Variants in CCSER1 observed in about 807,000 individuals in gnomAD.
CCSER1 encodes the protein coiled-coil serine rich protein 1.
CCSER1 carries 41 observed loss-of-function variants against 82.0 expected under a neutral mutation model. That is an observed-to-expected ratio of 0.50 (90% CI 0.39 to 0.65). The LOEUF is 0.65. CCSER1 is among the 30% of genes least tolerant of loss of function. The pLI, the probability that CCSER1 is intolerant of heterozygous loss-of-function variation, is 0.00. For missense variants in CCSER1, 1,119 were observed against 1,064.2 expected (o/e 1.05, Z -0.72); for synonymous variants, 414 against 383.9 (o/e 1.08, Z -0.92).
chr4:90,602,628 C>T (rs1022847447), intron 5 of CCSER1, among the ~76,000 whole-genome samples: 4 of 152,114 alleles, frequency 2.6e-5, no homozygotes. Context: ...ATGGATTTGA[C>T]CAATAAAGAA....
intron 5 of CCSER1, among the ~76,000 whole-genome samples, chr4:90,496,149 A>G (rs1768963897): frequency 1.3e-5 from 2 of 152,186 alleles, no homozygotes; most frequent in African/African-American, 4.8e-5. Flanking sequence ...CAAAACCACG[A>G]TGGATGCCAC....
rs77522371 is a variant in CCSER1, at chr4:90,525,119, TA to T, written c.1724+56774del. ...ACAAGATAGAATAAATCATTTTTTT[TA>T]AAAAAAAAGCAAATCTCATCAGAGG... On this transcript the variant is annotated intron_variant, in intron 5 of 10. Coordinates refer to ENST00000509176, the MANE Select transcript of CCSER1 (RefSeq NM_001145065.2). 5.5e-4 allele frequency among the ~76,000 whole-genome samples: 83 copies of T among 150,934 alleles called. No homozygotes were observed. In the East Asian group the frequency reaches 9.9e-3, roughly 18 times the overall value.
chr4:91,588,879 T>C (rs1453829563), intron 10 of CCSER1, among the ~76,000 whole-genome samples: 3 of 151,812 alleles, frequency 2.0e-5, no homozygotes, highest in Non-Finnish European at 4.4e-5. Flanking sequence ...TTTCCATGTA[T>C]AAAAATGCCT....
intron 1 of CCSER1, among the ~76,000 whole-genome samples, chr4:90,161,178 C>G (rs1369217097): frequency 6.6e-6 from 1 of 152,074 alleles, no homozygotes; most frequent in Non-Finnish European, 1.5e-5. Context: ...TTTGCTCATC[C>G]TATGTGCTTA....
chr4:90,987,718 C>A (rs1408081313), intron 9 of CCSER1, among the ~76,000 whole-genome samples: 1 of 151,616 alleles, frequency 6.6e-6, no homozygotes, highest in Non-Finnish European at 1.5e-5. Context: ...ATGTGTTGTA[C>A]ACAGGTCATA....
chr4:90,316,893 AG>A (rs1348005084), intron 3 of CCSER1, among the ~76,000 whole-genome samples: 2 of 152,240 alleles, frequency 1.3e-5, no homozygotes, highest in Admixed American at 6.5e-5. Context: ...GGTTTATTAA[AG>A]GAATCCAAAG....
At chr4:90,276,552 G>A (rs1023675183) in intron 1 of CCSER1, among the ~76,000 whole-genome samples, 5 of 151,750 alleles carry the variant, frequency 3.3e-5, no homozygotes, top group Admixed American at 6.6e-5. Context: ...CACCATGTTG[G>A]TCAGGCTGGT....
chr4:91,222,537 AAATAAG>A (rs1737839038), intron 10 of CCSER1, among the ~76,000 whole-genome samples: 2 of 152,158 alleles, frequency 1.3e-5, no homozygotes, highest in African/African-American at 4.8e-5. Flanking sequence ...TAACGATCTC[AAATAAG>A]CTTCCCATTA....
chr4:90,772,759 T>C (rs1752366902), intron 7 of CCSER1, among the ~76,000 whole-genome samples: 1 of 152,216 alleles, frequency 6.6e-6, no homozygotes, highest in Non-Finnish European at 1.5e-5. Flanking sequence ...AGGCTTTTCT[T>C]ATTGTGTCAA....
At chr4:90,838,905 A>T in intron 8 of CCSER1, 4 of 1,613,308 alleles carry the variant, frequency 2.5e-6, no homozygotes, top group Non-Finnish European at 3.4e-6. Flanking sequence ...ACGCCTCATT[A>T]CGATTCGCCT....
intron 6 of CCSER1, among the ~76,000 whole-genome samples, chr4:90,640,436 ATAGAG>A: frequency 6.6e-6 from 1 of 152,200 alleles, no homozygotes; most frequent in Non-Finnish European, 1.5e-5. Context: ...AATTCATTTT[ATAGAG>A]TATTCTCCAT....
At chr4:90,988,682 A>G (rs1029548678) in intron 9 of CCSER1, among the ~76,000 whole-genome samples, 2 of 151,838 alleles carry the variant, frequency 1.3e-5, no homozygotes, top group African/African-American at 4.8e-5. Flanking sequence ...ACTTATAATG[A>G]CATAATAGAC....
At chr4:90,466,500 T>G (rs1002482486) in intron 4 of CCSER1, among the ~76,000 whole-genome samples, 10 of 152,188 alleles carry the variant, frequency 6.6e-5, no homozygotes, top group African/African-American at 2.4e-4. Context: ...AGACATTAGA[T>G]AAGAGCCCAG....
chr4:90,663,841 A>G (rs6842926), intron 6 of CCSER1: 179,464 of 347,920 alleles, frequency 0.52, 47,373 homozygotes, highest in Middle Eastern at 0.63. Context: ...ATTGTTACTT[A>G]TAGGTTCACT....
chr4:90,129,699 TTTGTA>T lies in CCSER1; in HGVS notation c.-42+1873_-42+1877del, dbSNP rs569974100. Among the ~76,000 whole-genome samples the T allele has an allele frequency of 9.8e-5, 15 of 152,346 alleles. No homozygotes were observed. The South Asian group carries it at 2.7e-3, about 27-fold the overall frequency. On this transcript the variant is annotated intron_variant, in intron 1 of 10. Coordinates refer to ENST00000509176, the MANE Select transcript of CCSER1 (RefSeq NM_001145065.2). ...TTTGATCAAAACAAACCAACTGTTG[TTTGTA>T]TTGTTTTATTGCTTTCCTAAACAGT...
At chr4:91,501,182 CTTG>C (rs964425900) in intron 10 of CCSER1, among the ~76,000 whole-genome samples, 15 of 151,682 alleles carry the variant, frequency 9.9e-5, no homozygotes, top group African/African-American at 3.6e-4. Context: ...ATAGTTTTTG[CTTG>C]TTTTCTTTTG....
At chr4:90,537,480 T>A (rs151233186) in intron 5 of CCSER1, among the ~76,000 whole-genome samples, 76 of 152,304 alleles carry the variant, frequency 5.0e-4, no homozygotes, top group African/African-American at 1.7e-3. Flanking sequence ...CAATCAGCTC[T>A]TTTCCATTTG....
intron 5 of CCSER1, among the ~76,000 whole-genome samples, chr4:90,595,271 C>G (rs17017247): frequency 6.6e-6 from 1 of 151,712 alleles, no homozygotes. Flanking sequence ...AAAGAAAATA[C>G]TGTTGCCTCA....
At chr4:90,843,478 G>C (rs1047122388) in intron 8 of CCSER1, among the ~76,000 whole-genome samples, 2 of 152,056 alleles carry the variant, frequency 1.3e-5, no homozygotes, top group African/African-American at 4.8e-5. Context: ...TGCTCTTAAT[G>C]CTTTAGAAAA....
Sources: gnomAD v4.1 joint callset for allele counts (sites outside exome capture counted in the v4.1 genomes callset) on GRCh38, gnomAD v4.1.1 for gene constraint, MANE v1.5 for transcripts, NCBI Gene and HGNC (gene_info 2026-07-23, HGNC 2026-07-21) for gene names.